The following ARK2C variants were observed in gnomAD, a reference collection of about 807,000 sequenced individuals.
ARK2C encodes the protein arkadia (RNF111) C-terminal like ring finger ubiquitin ligase 2C, also known as E3 ubiquitin-protein ligase ARK2C.
At chr18:46,363,513 C>T in the ARK2C span, among the ~76,000 whole-genome samples, 4 of 152,318 alleles carry the variant, frequency 2.6e-5, no homozygotes, top group Non-Finnish European at 5.9e-5. Flanking sequence ...ATCCACAAAT[C>T]AGGATGCACC....
chr18:46,371,489 G>A, the ARK2C span, among the ~76,000 whole-genome samples: 1 of 152,202 alleles, frequency 6.6e-6, no homozygotes, highest in East Asian at 1.9e-4. Context: ...CTGGTTAAGG[G>A]AGAAGTTAAA....
At chr18:46,373,884 T>C in the ARK2C span, among the ~76,000 whole-genome samples, 2 of 144,060 alleles carry the variant, frequency 1.4e-5, no homozygotes, top group Non-Finnish European at 3.0e-5. Context: ...TCCCAGACCC[T>C]GTGCCCCTGA....
At chr18:46,417,181 G>A in the ARK2C span, among the ~76,000 whole-genome samples, 185 of 152,230 alleles carry the variant, frequency 1.2e-3, no homozygotes, top group African/African-American at 4.1e-3. Context: ...ACCTTCCCCC[G>A]ATTGCCACCC....
the ARK2C span, chr18:46,456,691 A>C: frequency 7.8e-7 from 1 of 1,282,948 alleles, no homozygotes; most frequent in East Asian, 2.3e-5. Flanking sequence ...CCCCACGGCC[A>C]TAGCCCTTGC....
chr18:46,401,216 T>A, the ARK2C span, among the ~76,000 whole-genome samples: 2 of 152,030 alleles, frequency 1.3e-5, no homozygotes, highest in Non-Finnish European at 2.9e-5. Flanking sequence ...GAGTGAGGAT[T>A]TGGGGACTGC....
chr18:46,462,694 TG>T, the ARK2C span: 1 of 152,680 alleles, frequency 6.5e-6, no homozygotes, highest in African/African-American at 2.4e-5. Flanking sequence ...GCAGGGCTCC[TG>T]GACGGGCATG....
At chr18:46,401,098 C>T in the ARK2C span, among the ~76,000 whole-genome samples, 1 of 152,136 alleles carries the variant, frequency 6.6e-6, no homozygotes. Context: ...GGACGTGGGA[C>T]ACAAGCTTGG....
the ARK2C span, among the ~76,000 whole-genome samples, chr18:46,362,387 A>T: frequency 2.0e-5 from 3 of 152,170 alleles, no homozygotes; most frequent in African/African-American, 7.2e-5. Flanking sequence ...TTTTAATAAG[A>T]TGCCTGCTTT....
chr18:46,362,372 C>T, the ARK2C span, among the ~76,000 whole-genome samples: 1 of 152,210 alleles, frequency 6.6e-6, no homozygotes, highest in African/African-American at 2.4e-5. Flanking sequence ...AAAGGAATAA[C>T]AGACTTTTAA....
chr18:46,391,939 AAC>A, the ARK2C span, among the ~76,000 whole-genome samples: 2 of 151,234 alleles, frequency 1.3e-5, no homozygotes, highest in Non-Finnish European at 2.9e-5. Context: ...CCATGCACAC[AAC>A]ACACACGCAC....
chr18:46,383,550 G>GTTTTTTT, the ARK2C span, among the ~76,000 whole-genome samples: 1 of 97,892 alleles, frequency 1.0e-5, no homozygotes, highest in African/African-American at 4.1e-5. Context: ...GGTTTTCTCT[G>GTTTTTTT]TTTTTTTTTT....
At chr18:46,344,888 C>G in the ARK2C span, among the ~76,000 whole-genome samples, 2 of 152,222 alleles carry the variant, frequency 1.3e-5, no homozygotes, top group African/African-American at 2.4e-5. Context: ...TCAGCACTCT[C>G]CAGAGTTCCT....
the ARK2C span, among the ~76,000 whole-genome samples, chr18:46,349,292 T>C: frequency 1.1e-4 from 16 of 152,288 alleles, no homozygotes; most frequent in East Asian, 3.1e-3. Flanking sequence ...AGCAGGTTTG[T>C]TGCGGGTGAG....
the ARK2C span, among the ~76,000 whole-genome samples, chr18:46,436,375 G>A: frequency 6.6e-6 from 1 of 152,148 alleles, no homozygotes; most frequent in African/African-American, 2.4e-5. Context: ...GTGACATTTG[G>A]GGAATCTGGG....
chr18:46,366,221 G>A, the ARK2C span, among the ~76,000 whole-genome samples: 1 of 150,438 alleles, frequency 6.6e-6, no homozygotes, highest in African/African-American at 2.5e-5. Context: ...GAACCCGGGA[G>A]GTGGAGGTTG....
the ARK2C span, chr18:46,336,384 CA>C: frequency 0.14 from 142,006 of 980,958 alleles, 14,296 homozygotes; most frequent in African/African-American, 0.49. Context: ...CCCCCCCCAA[CA>C]AAAAAAAATC....
chr18:46,373,414 C>T, the ARK2C span, among the ~76,000 whole-genome samples: 3 of 152,352 alleles, frequency 2.0e-5, no homozygotes, highest in Non-Finnish European at 4.4e-5. Flanking sequence ...CCCAGCAAGT[C>T]GTGGGCTCTC....
chr18:46,362,328 G>A, the ARK2C span, among the ~76,000 whole-genome samples: 1 of 152,230 alleles, frequency 6.6e-6, no homozygotes, highest in Non-Finnish European at 1.5e-5. Context: ...TACTGTCTCA[G>A]GGCCTGCTAG....
the ARK2C span, chr18:46,435,394 C>A: frequency 6.2e-7 from 1 of 1,610,778 alleles, no homozygotes; most frequent in Admixed American, 1.7e-5. Context: ...AGGGCACTGA[C>A]TGGTGAGTCT....
Sources: allele counts gnomAD v4.1 joint callset (sites outside exome capture counted in the v4.1 genomes callset), GRCh38; gene constraint gnomAD v4.1.1; transcripts MANE v1.5; gene names NCBI Gene and HGNC (gene_info 2026-07-23, HGNC 2026-07-21).